Variants in HMCN1 observed in about 807,000 individuals in gnomAD.
The protein encoded by HMCN1 is hemicentin 1.
HMCN1 carries 321 observed loss-of-function variants against 625.9 expected under a neutral mutation model. The ratio of observed to expected loss-of-function variants is 0.51; its 90% CI spans 0.47 to 0.56. The LOEUF (loss-of-function observed/expected upper bound fraction) is 0.56. Among genes scored for constraint, HMCN1 ranks in the 20% least tolerant of loss-of-function variants. The probability of loss-of-function intolerance (pLI) is 0.00; values close to 1 mark genes in which losing one functional copy is unlikely to be tolerated. For synonymous variants in HMCN1, 2,425 were observed against 2,417.6 expected, an observed-to-expected ratio of 1.00 and a Z score of -0.09; for missense variants, 6,588 against 6,887.3, an observed-to-expected ratio of 0.96 and a Z score of 1.54.
At chr1:185,855,584 T>G (rs982242081) in intron 2 of HMCN1, among the ~76,000 whole-genome samples, 1 of 152,214 alleles carries the variant, frequency 6.6e-6, no homozygotes, top group African/African-American at 2.4e-5. Context: ...GCCTGGTACA[T>G]AGTGCAGTTT....
intron 23 of HMCN1, 137 bp from the exon 24 acceptor site, chr1:185,994,678 T>C: frequency 1.2e-6 from 1 of 810,178 alleles, no homozygotes; most frequent in East Asian, 2.6e-5. Flanking sequence ...AGCTAGTGAA[T>C]GATCCGAGCC....
At chr1:185,801,770 AAG>A (rs1350037877) in intron 1 of HMCN1, among the ~76,000 whole-genome samples, 1 of 152,178 alleles carries the variant, frequency 6.6e-6, no homozygotes, top group African/African-American at 2.4e-5. Flanking sequence ...CAAGGCAAGT[AAG>A]AGAAACTAAA....
intron 78 of HMCN1, 46 bp from the exon 79 acceptor site, chr1:186,119,699 A>G: frequency 6.3e-7 from 1 of 1,595,384 alleles, no homozygotes; most frequent in Non-Finnish European, 8.6e-7. Context: ...GACATGGTTT[A>G]TTAACTAGTG....
chr1:186,031,926 G>A lies in HMCN1; in HGVS notation c.5750-6008G>A, dbSNP rs376558295. ...TATAGATGGTTTCCTGTAATTCTTG[G>A]AACATTCAGTCATCCCTCAATATCC... On this transcript the variant is annotated intron_variant, in intron 36 of 106. Transcript: ENST00000271588. Among the ~76,000 whole-genome samples the A allele has an allele frequency of 5.3e-5, 8 of 151,530 alleles. No individual in the cohort carries two copies. In the East Asian group the frequency reaches 5.8e-4, roughly 11 times the overall value.
At chr1:186,103,717 A>C in intron 69 of HMCN1, 49 bp downstream of exon 69, 24 of 1,453,566 alleles carry the variant, frequency 1.7e-5, no homozygotes, top group South Asian at 2.3e-5. Flanking sequence ...CAAACTTCTC[A>C]CTTGCTAATA....
At chr1:186,095,884 G>A (rs1266162870) in intron 68 of HMCN1, among the ~76,000 whole-genome samples, 1 of 152,088 alleles carries the variant, frequency 6.6e-6, no homozygotes, top group East Asian at 1.9e-4. Context: ...TGTTATCCCT[G>A]TCTTTAAATG....
At chr1:185,965,125 G>A (rs1263231672) in intron 13 of HMCN1, among the ~76,000 whole-genome samples, 1 of 152,072 alleles carries the variant, frequency 6.6e-6, no homozygotes, top group South Asian at 2.1e-4. Context: ...ATCTCGTTAA[G>A]AGAAAATGTT....
chr1:186,023,060 G>A lies in HMCN1; in HGVS notation c.5656G>A (p.Ala1886Thr). Residue 1886 changes from alanine (A) to threonine (T), a missense_variant, in exon 36 of 107, where the codon GCC (alanine) becomes ACC (threonine). By Grantham distance (58) the Ala-to-Thr change is moderately conservative. Coordinates refer to ENST00000271588, the MANE Select transcript of HMCN1 (RefSeq NM_031935.3). ...IQSSGRVLQI[A>T]KTLLEDAGRY... ...GTCTTCTGGTCGAGTTCTACAAATTGCCAAAACCCTGTTGGAAGATGCTGG... is the reference window on the plus strand; with the variant it reads ...GTCTTCTGGTCGAGTTCTACAAATTACCAAAACCCTGTTGGAAGATGCTGG... 1 of 1,613,356 alleles carries A rather than the reference G, an allele frequency of 6.2e-7. No individual in the cohort carries two copies. Among genetic ancestry groups the A allele is most frequent in the East Asian group, 2.2e-5 (1 of 44,782 alleles).
intron 4 of HMCN1, 103 bp downstream of exon 4, chr1:185,865,966 A>G: frequency 2.6e-6 from 3 of 1,166,186 alleles, no homozygotes; most frequent in Non-Finnish European, 3.8e-6. Context: ...AATTTTAACC[A>G]AAAGGTATAA....
At chr1:186,077,219 A>G (rs1658876564) in intron 54 of HMCN1, among the ~76,000 whole-genome samples, 1 of 152,176 alleles carries the variant, frequency 6.6e-6, no homozygotes, top group African/African-American at 2.4e-5. Context: ...AATTAAATAA[A>G]AGAGTATCCT....
At chr1:185,965,567 T>C (rs921744193) in intron 13 of HMCN1, among the ~76,000 whole-genome samples, 2 of 151,906 alleles carry the variant, frequency 1.3e-5, no homozygotes, top group African/African-American at 4.8e-5. Flanking sequence ...TTTATGATAA[T>C]TATTTTTTGT....
At position 186,041,124 on chromosome 1, in the gene HMCN1, C is replaced by T. The variant is rs1180649417; in HGVS notation, c.6292C>T (p.Leu2098Phe). 6.2e-7 allele frequency: 1 copy of T among 1,612,410 alleles called. No homozygotes were observed. The highest frequency in any genetic ancestry group is 1.3e-5 in the African/African-American group (1 of 74,812). ...AAGEKQRDID[L>F]RVYVPPNIMG... ...TGGAGAAAAGCAAAGGGACATTGAC[C>T]TCCGAGTATATGGTGAGACATTTTA... Residue 2098 changes from leucine (L) to phenylalanine (F), a missense_variant, in exon 40 of 107, where the codon CTC (leucine) becomes TTC (phenylalanine). Leu to Phe is a conservative substitution (Grantham distance 22). Transcript: ENST00000271588.
rs190059066 is a variant in HMCN1, at chr1:185,795,770, G to A, written c.269-50256G>A. ...GCAACACCGATTTCTTCCTCTTAGTGGATTTTAATAAAATATACTAAGTAA... is the reference window on the plus strand; with the variant it reads ...GCAACACCGATTTCTTCCTCTTAGTAGATTTTAATAAAATATACTAAGTAA... On this transcript the variant is annotated intron_variant, in intron 1 of 106. Coordinates refer to ENST00000271588, the MANE Select transcript of HMCN1 (RefSeq NM_031935.3). 2.1e-3 allele frequency among the ~76,000 whole-genome samples: 327 copies of A among 152,226 alleles called. 1 individual carries two copies. Among genetic ancestry groups the A allele is most frequent in the Admixed American group, 2.7e-3 (42 of 15,290 alleles).
chr1:185,929,547 C>T (rs562982558), intron 10 of HMCN1, among the ~76,000 whole-genome samples: 1 of 152,250 alleles, frequency 6.6e-6, no homozygotes, highest in East Asian at 1.9e-4. Context: ...ATGTGTTTAA[C>T]TGTAACCTAT....
At chr1:186,175,889 A>AAAAC (rs1652538365) in intron 103 of HMCN1, among the ~76,000 whole-genome samples, 2 of 142,846 alleles carry the variant, frequency 1.4e-5, no homozygotes, top group Admixed American at 1.4e-4. Context: ...AAAAAAAAAA[A>AAAAC]AAGAAAGAAA....
chr1:185,965,018 C>CT lies in HMCN1; in HGVS notation c.2099-784_2099-783insT, dbSNP rs1369678394. Among the ~76,000 whole-genome samples the CT allele has an allele frequency of 3.3e-5, 5 of 152,166 alleles. No homozygotes were observed. The East Asian group carries it at 9.7e-4, about 29-fold the overall frequency. ...ATGGAATTTTGAAGGCAGTAGGAAT[C>CT]ACTGAAGGTATTCTAGCAGAGAAAT... On this transcript the variant is annotated intron_variant, in intron 13 of 106. Transcript: ENST00000271588.
intron 45 of HMCN1, among the ~76,000 whole-genome samples, chr1:186,056,435 A>G (rs955675978): frequency 6.6e-6 from 1 of 152,024 alleles, no homozygotes; most frequent in African/African-American, 2.4e-5. Context: ...TTATGAATCC[A>G]TATTACAAAT....
At chr1:186,029,054 T>C (rs1264465468) in intron 36 of HMCN1, among the ~76,000 whole-genome samples, 1 of 152,060 alleles carries the variant, frequency 6.6e-6, no homozygotes, top group African/African-American at 2.4e-5. Flanking sequence ...ATGTTTTATA[T>C]GGAAACTACC....
At chr1:185,963,659 A>G in intron 12 of HMCN1, 109 bp from the exon 13 acceptor site, 3 of 837,300 alleles carry the variant, frequency 3.6e-6, no homozygotes, top group Non-Finnish European at 4.0e-6. Flanking sequence ...CGACACCAAA[A>G]ATATAACTCT....
Sources: gnomAD v4.1 joint callset for allele counts (sites outside exome capture counted in the v4.1 genomes callset) on GRCh38, gnomAD v4.1.1 for gene constraint, MANE v1.5 for transcripts, NCBI Gene and HGNC (gene_info 2026-07-23, HGNC 2026-07-21) for gene names.